PCSK1: variants seen among roughly 807,000 people sequenced by gnomAD.
PCSK1 encodes the protein proprotein convertase subtilisin/kexin type 1, also known as neuroendocrine convertase 1.
A neutral mutation model predicts 90.6 loss-of-function variants in PCSK1; 56 were observed. The ratio of observed to expected loss-of-function variants is 0.62; its 90% CI spans 0.50 to 0.77. The LOEUF is 0.77. Ranked by LOEUF, PCSK1 falls within the 30% of genes least tolerant of loss-of-function variation. PCSK1 has a pLI of 0.00. For synonymous variants in PCSK1, 348 were observed against 342.4 expected (o/e 1.02, Z -0.18); for missense variants, 801 against 932.6 (o/e 0.86, Z 1.84).
In PCSK1 at chr5:96,425,915, G is replaced by T; in HGVS notation, c.301C>A (p.Gln101Lys). 1 of 1,607,660 alleles carries T rather than the reference G, an allele frequency of 6.2e-7. No homozygotes were observed. Among genetic ancestry groups the T allele is most frequent in the Non-Finnish European group, 8.5e-7 (1 of 1,174,640 alleles). ...SDDDRVIWAE[Q>K]QYEKERSKRS... ...TTACTTCTTTCTTTTTCATACTGTT[G>T]TTCAGCCCATATCACCTACAAGGAT... is the stretch of plus-strand genomic sequence containing the variant. The change falls in exon 3 of 14, where the codon CAA becomes AAA. Residue 101 changes from glutamine (Q) to lysine (K), a missense_variant. Coordinates refer to ENST00000311106, the MANE Select transcript of PCSK1 (RefSeq NM_000439.5).
chr5:96,410,696 G>T, intron 8 of PCSK1, 78 bp downstream of exon 8: 1 of 1,149,536 alleles, frequency 8.7e-7, no homozygotes, highest in Non-Finnish European at 1.3e-6. Context: ...TCGTACCAAA[G>T]GTCAGTTAGG....
chr5:96,421,761 T>C, intron 5 of PCSK1, 119 bp downstream of exon 5: 1 of 755,628 alleles, frequency 1.3e-6, no homozygotes. Flanking sequence ...GTGGTATGGA[T>C]GTTGTGCATT....
chr5:96,423,442 C>A lies in PCSK1; in HGVS notation c.414G>T (p.Thr138=). 1 of 1,613,998 alleles carries A rather than the reference C, an allele frequency of 6.2e-7. No individual in the cohort carries two copies. Among genetic ancestry groups the A allele is most frequent in the South Asian group, 1.1e-5 (1 of 91,064 alleles). The stretch of plus-strand genomic sequence containing the variant: ...GAAGGTCCAGCTTGGGCAGGGCTGC[C>A]GTCATCCTGGTATCTTGCTGGTAAA... ...QQWYLQDTRM[T]AALPKLDLHV... is the part of the protein sequence containing the mutation. The change falls in exon 4 of 14, where the codon ACG becomes ACT. Residue 138 remains threonine (T), a synonymous_variant. Transcript: ENST00000311106.
chr5:96,413,671 G>T (rs372228523), intron 6 of PCSK1, among the ~76,000 whole-genome samples: 3 of 151,414 alleles, frequency 2.0e-5, no homozygotes, highest in Non-Finnish European at 1.5e-5. Flanking sequence ...ATGCTGGCAC[G>T]CACCTATAAT....
At chr5:96,404,423 A>G (rs1442614200) in intron 9 of PCSK1, among the ~76,000 whole-genome samples, 1 of 152,222 alleles carries the variant, frequency 6.6e-6, no homozygotes, top group Non-Finnish European at 1.5e-5. Flanking sequence ...ATATGCTGGT[A>G]CTTGAGAAAC....
Position 96,423,339 on chromosome 5 carries a change from T to C in PCSK1, c.517A>G (p.Asn173Asp), listed in dbSNP as rs1479737005. The change falls in exon 4 of 14, where the codon AAT becomes GAT. Residue 173 changes from asparagine to aspartate, a missense_variant. By Grantham distance (23) the Asn-to-Asp change is conservative. Coordinates refer to ENST00000311106, the MANE Select transcript of PCSK1 (RefSeq NM_000439.5). ...ITVLDDGLEW[N>D]HTDIYANYDP... is the part of the protein sequence containing the mutation. Reference sequence around the variant, plus strand: ...TAGTTGGCATAAATGTCCGTGTGATTCCACTCCAAACCATCATCCAGTACG... The same window carrying C: ...TAGTTGGCATAAATGTCCGTGTGATCCCACTCCAAACCATCATCCAGTACG... 3.1e-6 allele frequency: 5 copies of C among 1,612,526 alleles called. No homozygotes were observed. The highest frequency in any genetic ancestry group is 4.2e-6 in the Non-Finnish European group (5 of 1,179,198).
intron 9 of PCSK1, among the ~76,000 whole-genome samples, chr5:96,407,317 C>T (rs1197303899): frequency 1.3e-5 from 2 of 151,914 alleles, no homozygotes; most frequent in African/African-American, 2.4e-5. Flanking sequence ...AAGAAGCAAC[C>T]CCAGAAGACA....
intron 12 of PCSK1, 106 bp downstream of exon 12, chr5:96,397,228 AGG>A: frequency 1.1e-6 from 1 of 914,382 alleles, no homozygotes; most frequent in Non-Finnish European, 1.8e-6. Context: ...TCTACTAAGA[AGG>A]GGTACAATTC....
chr5:96,418,199 G>C (rs919861221), intron 5 of PCSK1, among the ~76,000 whole-genome samples: 1 of 152,148 alleles, frequency 6.6e-6, no homozygotes, highest in Non-Finnish European at 1.5e-5. Flanking sequence ...ACCTCCAAAC[G>C]TTGAGAGAAA....
intron 2 of PCSK1, among the ~76,000 whole-genome samples, chr5:96,426,200 A>C (rs1367067178): frequency 6.6e-6 from 1 of 152,180 alleles, no homozygotes; most frequent in Non-Finnish European, 1.5e-5. Context: ...TTGTGGTTAC[A>C]GTGGAAGCAA....
At chr5:96,408,449 T>A in intron 8 of PCSK1, 126 bp from the exon 9 acceptor site, 1 of 714,986 alleles carries the variant, frequency 1.4e-6, no homozygotes, top group South Asian at 1.5e-5. Context: ...TTCGATTGCC[T>A]ACTTTCTCCT....
In PCSK1 at chr5:96,417,197, CAAG is replaced by C. The variant is rs1760965302; in HGVS notation, c.621-1079_621-1077del. On this transcript the variant is annotated intron_variant, in intron 5 of 13. Coordinates refer to ENST00000311106, the MANE Select transcript of PCSK1 (RefSeq NM_000439.5). ...TAAAATTCCTAAATTGACTGGCCAT[CAAG>C]AAGAATTGTTCAACTTCTCTTTTTC... Among the ~76,000 whole-genome samples, 6 of 152,302 alleles carry C rather than the reference CAAG, an allele frequency of 3.9e-5. No individual in the cohort carries two copies. The South Asian group carries it at 1.2e-3, about 32-fold the overall frequency.
At chr5:96,427,695 C>A (rs952149275) in intron 2 of PCSK1, among the ~76,000 whole-genome samples, 1 of 152,142 alleles carries the variant, frequency 6.6e-6, no homozygotes, top group African/African-American at 2.4e-5. Context: ...TAGGTATGCT[C>A]TATTCTGTCC....
At chr5:96,417,980 CA>C (rs1329798086) in intron 5 of PCSK1, among the ~76,000 whole-genome samples, 1 of 152,164 alleles carries the variant, frequency 6.6e-6, no homozygotes, top group Non-Finnish European at 1.5e-5. Flanking sequence ...CAAAAGAATC[CA>C]GTGCAGGTCT....
At chr5:96,414,196 C>T (rs1760871134) in intron 6 of PCSK1, among the ~76,000 whole-genome samples, 1 of 151,654 alleles carries the variant, frequency 6.6e-6, no homozygotes, top group Non-Finnish European at 1.5e-5. Context: ...CTTGGGCAAG[C>T]CAGTTAACCC....
At chr5:96,407,051 T>C (rs2112413084) in intron 9 of PCSK1, among the ~76,000 whole-genome samples, 1 of 152,278 alleles carries the variant, frequency 6.6e-6, no homozygotes, top group South Asian at 2.1e-4. Flanking sequence ...CAGAGGGATT[T>C]AGAATTTAAA....
At chr5:96,410,161 G>A (rs115990525) in intron 8 of PCSK1, among the ~76,000 whole-genome samples, 3,750 of 152,194 alleles carry the variant, frequency 0.025, 178 homozygotes, top group African/African-American at 0.087. Flanking sequence ...GGGAAATCCA[G>A]TAATTGCCCT....
intron 5 of PCSK1, among the ~76,000 whole-genome samples, chr5:96,416,407 GT>G (rs1760940032): frequency 6.6e-6 from 1 of 152,222 alleles, no homozygotes; most frequent in East Asian, 1.9e-4. Flanking sequence ...CAAATTATAT[GT>G]AAAACACTTA....
At position 96,392,899 on chromosome 5, in the gene PCSK1, TA is replaced by T; in HGVS notation, c.*101del. ...AGAAAAGGTGCCACAAAGGATATTA[TA>T]AGCATAAGAATTCATGACAAAACAA... is the stretch of plus-strand genomic sequence containing the variant. On this transcript the variant is annotated 3_prime_UTR_variant, in exon 14 of 14. Transcript: ENST00000311106. 1 of 1,164,484 alleles carries T rather than the reference TA, an allele frequency of 8.6e-7. No homozygotes were observed. Among genetic ancestry groups the T allele is most frequent in the Non-Finnish European group, 1.3e-6 (1 of 779,624 alleles). 72.1% of individuals were successfully genotyped at this position (1,164,484 alleles called of 1,614,324 possible).
Sources: gnomAD v4.1 joint callset for allele counts (sites outside exome capture counted in the v4.1 genomes callset) on GRCh38, gnomAD v4.1.1 for gene constraint, MANE v1.5 for transcripts, NCBI Gene and HGNC (gene_info 2026-07-23, HGNC 2026-07-21) for gene names.